Variants in NREP observed in about 807,000 individuals in gnomAD.
NREP encodes the protein neuronal regeneration related protein, also known as neuronal regeneration-related protein.
NREP carries 5 observed loss-of-function variants against 8.6 expected under a neutral mutation model. The ratio of observed to expected loss-of-function variants is 0.58; its 90% CI spans 0.30 to 1.22. The LOEUF (loss-of-function observed/expected upper bound fraction) is 1.22, where lower values mean the gene tolerates loss of function less well. NREP is among the 50% of genes most tolerant of loss of function. The pLI is 0.07. For synonymous variants in NREP, 27 were observed against 28.0 expected (o/e 0.96, Z 0.11); for missense variants, 86 against 82.5 (o/e 1.04, Z -0.17).
intron 2 of NREP, 57 bp from the exon 3 acceptor site, chr5:111,735,564 T>A: frequency 7.9e-7 from 1 of 1,265,888 alleles, no homozygotes; most frequent in African/African-American, 1.5e-5. Context: ...ACTCTGAAAC[T>A]ACACGGGATA....
intron 2 of NREP, among the ~76,000 whole-genome samples, chr5:111,842,015 T>C (rs774210682): frequency 2.0e-5 from 3 of 152,178 alleles, no homozygotes; most frequent in Admixed American, 6.6e-5. Context: ...TTATGAAACA[T>C]TGCTGTTGAG....
chr5:111,774,815 C>G (rs992985675), intron 2 of NREP, among the ~76,000 whole-genome samples: 1 of 152,160 alleles, frequency 6.6e-6, no homozygotes, highest in Admixed American at 6.5e-5. Context: ...TTGTAAGGCT[C>G]TAAACAGAGG....
chr5:111,735,008 T>C, intron 3 of NREP: 1 of 371,278 alleles, frequency 2.7e-6, no homozygotes. Flanking sequence ...AAGAAAGAAA[T>C]GTAACAGTTT....
At chr5:111,958,404 G>C (rs1410224166) in intron 2 of NREP, among the ~76,000 whole-genome samples, 4 of 151,946 alleles carry the variant, frequency 2.6e-5, no homozygotes, top group East Asian at 3.9e-4. Context: ...ATTCATAGTT[G>C]ATAAAATTTA....
upstream of NREP, chr5:111,757,227 AT>A (rs1299771297): frequency 1.1e-4 from 19 of 172,864 alleles, no homozygotes; most frequent in African/African-American, 4.7e-3. Context: ...AGAAAGACAG[AT>A]TGGGGGGGGA....
At chr5:111,888,222 A>G (rs1489331007) in intron 2 of NREP, among the ~76,000 whole-genome samples, 1 of 152,188 alleles carries the variant, frequency 6.6e-6, no homozygotes, top group Non-Finnish European at 1.5e-5. Flanking sequence ...GTAAGATGCA[A>G]TATTTTATTT....
rs760817671 is a variant in NREP, at chr5:111,930,561, C to T, written c.135+44713G>A. Among the ~76,000 whole-genome samples, 2 of 152,228 alleles carry T rather than the reference C, an allele frequency of 1.3e-5. 1 individual carries two copies. The highest frequency in any genetic ancestry group is 4.1e-4 in the South Asian group (2 of 4,822). On this transcript the variant is annotated intron_variant, in intron 2 of 3. Transcript: ENST00000395634. ...TCTGTCTAAAGTGTAAGCTTTTATA[C>T]TCTACAAAGGAAATGATGTCGTCAG...
chr5:111,861,774 A>G (rs1034474030), intron 2 of NREP, among the ~76,000 whole-genome samples: 2 of 152,182 alleles, frequency 1.3e-5, no homozygotes, highest in African/African-American at 4.8e-5. Flanking sequence ...TATTAATGAT[A>G]ATCCTAATCA....
At chr5:111,973,353 C>T (rs1756873970) in intron 2 of NREP, among the ~76,000 whole-genome samples, 1 of 152,188 alleles carries the variant, frequency 6.6e-6, no homozygotes, top group Non-Finnish European at 1.5e-5. Flanking sequence ...CCACACGCAA[C>T]ACTTGCAGGT....
chr5:111,833,489 C>T (rs1417404517), intron 2 of NREP, among the ~76,000 whole-genome samples: 1 of 152,166 alleles, frequency 6.6e-6, no homozygotes, highest in African/African-American at 2.4e-5. Flanking sequence ...ATAAATCATA[C>T]TGTATCTGGA....
intron 2 of NREP, among the ~76,000 whole-genome samples, chr5:111,957,369 GGA>G (rs1201388809): frequency 6.6e-6 from 1 of 151,816 alleles, no homozygotes. Flanking sequence ...AAATCTCAAT[GGA>G]GAGTCAATAA....
intron 2 of NREP, among the ~76,000 whole-genome samples, chr5:111,935,561 G>C (rs769486806): frequency 3.5e-4 from 53 of 152,064 alleles, no homozygotes; most frequent in Non-Finnish European, 3.2e-4. Context: ...AGAAGGCAGA[G>C]ATAAAGGCAG....
intron 2 of NREP, among the ~76,000 whole-genome samples, chr5:111,776,565 T>C (rs913454327): frequency 1.4e-4 from 21 of 152,266 alleles, no homozygotes; most frequent in Non-Finnish European, 1.2e-4. Context: ...AAACATTCCA[T>C]ATGTCCATCA....
rs1051625306 is a variant in NREP at position 111,744,171 on chromosome 5, T to C, written c.4-8664A>G. On this transcript the variant is annotated intron_variant, in intron 2 of 3. Coordinates refer to ENST00000257435, the MANE Select transcript of NREP (RefSeq NM_004772.4). ...GAAGTGCTCATTCCAAAAGAAACTA[T>C]TCACTCTTTCCATCAATGTATCCTC... Among the ~76,000 whole-genome samples, 2 of 152,166 alleles carry C rather than the reference T, an allele frequency of 1.3e-5. 1 individual carries two copies. Among genetic ancestry groups the C allele is most frequent in the Admixed American group, 1.3e-4 (2 of 15,268 alleles).
At position 111,814,415 on chromosome 5, in the gene NREP, G is replaced by A. The variant is rs550855302; in HGVS notation, c.136-78908C>T. ...AAGTGAACGCAATTACATGCCATTC[G>A]AAGAGCTTAACATTAAAGAAAGGGC... On this transcript the variant is annotated intron_variant, in intron 2 of 3. Coordinates refer to the NREP transcript ENST00000395634. Among the ~76,000 whole-genome samples the A allele has an allele frequency of 1.1e-4, 17 of 152,208 alleles. 1 individual carries two copies. Among genetic ancestry groups the A allele is most frequent in the African/African-American group, 1.7e-4 (7 of 41,562 alleles).
chr5:111,845,044 G>A (rs1433680691), intron 2 of NREP, among the ~76,000 whole-genome samples: 1 of 152,072 alleles, frequency 6.6e-6, no homozygotes, highest in Non-Finnish European at 1.5e-5. Flanking sequence ...GCTGGGGTGG[G>A]TCGGGAGCCT....
chr5:111,816,784 A>G (rs1752394331), intron 2 of NREP, among the ~76,000 whole-genome samples: 1 of 151,738 alleles, frequency 6.6e-6, no homozygotes, highest in Admixed American at 6.6e-5. Context: ...TATCACAATT[A>G]TAATATGTAA....
chr5:111,806,326 C>T (rs1418971164), intron 2 of NREP, among the ~76,000 whole-genome samples: 3 of 151,758 alleles, frequency 2.0e-5, no homozygotes, highest in Admixed American at 6.6e-5. Context: ...TACATCCTGC[C>T]CTGTCCCTGA....
At chr5:111,794,878 T>A (rs1751840460) in intron 2 of NREP, among the ~76,000 whole-genome samples, 1 of 152,050 alleles carries the variant, frequency 6.6e-6, no homozygotes, top group Non-Finnish European at 1.5e-5. Flanking sequence ...GTAACAAATG[T>A]ATCACTGGGC....
Sources: gnomAD v4.1 joint callset for allele counts (sites outside exome capture counted in the v4.1 genomes callset) on GRCh38, gnomAD v4.1.1 for gene constraint, MANE v1.5 for transcripts, NCBI Gene and HGNC (gene_info 2026-07-23, HGNC 2026-07-21) for gene names.